DOCK2: variants seen among roughly 807,000 people sequenced by gnomAD.
DOCK2 encodes dedicator of cytokinesis 2.
In DOCK2, 87 loss-of-function variants were observed where a neutral mutation model predicts 248.9. That is an observed-to-expected ratio of 0.35 (90% confidence interval 0.29 to 0.42). The LOEUF (loss-of-function observed/expected upper bound fraction) is 0.42, where lower values mean the gene tolerates loss of function less well. DOCK2 is among the 10% of genes least tolerant of loss of function. The pLI is 1.00. For synonymous variants in DOCK2, 805 were observed against 821.6 expected, an observed-to-expected ratio of 0.98 and a Z score of 0.35; for missense variants, 1,747 against 2,300.2, an observed-to-expected ratio of 0.76 and a Z score of 4.92.
intron 27 of DOCK2, among the ~76,000 whole-genome samples, chr5:169,958,908 A>C (rs1425139566): frequency 6.6e-6 from 1 of 152,324 alleles, no homozygotes; most frequent in East Asian, 1.9e-4. Context: ...TCTCAAAGAC[A>C]ATGTGTTTTA....
intron 29 of DOCK2, among the ~76,000 whole-genome samples, chr5:169,994,713 G>A (rs1778292629): frequency 6.6e-6 from 1 of 152,174 alleles, no homozygotes; most frequent in South Asian, 2.1e-4. Context: ...AGAAACACAG[G>A]GTACTAGCAA....
In DOCK2 at chr5:169,953,098, C is replaced by T. The variant is rs769288883; in HGVS notation, c.2800-29970C>T. Among the ~76,000 whole-genome samples the T allele has an allele frequency of 5.1e-4, 78 of 151,922 alleles. 1 individual carries two copies. Among genetic ancestry groups the T allele is most frequent in the Non-Finnish European group, 9.0e-4 (61 of 67,960 alleles). The stretch of plus-strand genomic sequence containing the variant: ...CAGCACTTTGGGAGGCTGAGGTGGG[C>T]GGATCACAAGGTCAGGAGTTCAAGA... On this transcript the variant is annotated intron_variant, in intron 27 of 51. Coordinates refer to ENST00000520908, the MANE Select transcript of DOCK2 (RefSeq NM_004946.3).
intron 21 of DOCK2, among the ~76,000 whole-genome samples, 168 bp from the exon 22 acceptor site, chr5:169,718,489 T>G (rs1762020064): frequency 6.6e-6 from 1 of 152,110 alleles, no homozygotes; most frequent in Non-Finnish European, 1.5e-5. Flanking sequence ...ATTAATTCCC[T>G]GTAATAAATA....
intron 32 of DOCK2, among the ~76,000 whole-genome samples, chr5:170,010,541 C>T (rs1581524862): frequency 6.6e-6 from 1 of 152,208 alleles, no homozygotes; most frequent in African/African-American, 2.4e-5. Flanking sequence ...CTGTTCCTCT[C>T]CAGTTAATAG....
chr5:169,662,236 T>C (rs544091415), intron 2 of DOCK2, among the ~76,000 whole-genome samples: 82 of 152,356 alleles, frequency 5.4e-4, no homozygotes, highest in African/African-American at 1.8e-3. Flanking sequence ...TTTCCATGTA[T>C]CTGTTGGCCA....
At chr5:169,856,053 A>C (rs1400023634) in intron 27 of DOCK2, among the ~76,000 whole-genome samples, 2 of 152,004 alleles carry the variant, frequency 1.3e-5, no homozygotes, top group Admixed American at 6.6e-5. Flanking sequence ...ATCAGATCTC[A>C]TGAGATCTCA....
chr5:169,913,768 C>T (rs1199581027), intron 27 of DOCK2, among the ~76,000 whole-genome samples: 1 of 152,128 alleles, frequency 6.6e-6, no homozygotes, highest in African/African-American at 2.4e-5. Context: ...ATTGGTCTAA[C>T]CCTCTTATTT....
intron 40 of DOCK2, among the ~76,000 whole-genome samples, chr5:170,047,869 TGAGGTGTTCAAAGA>T (rs1756771307): frequency 6.6e-6 from 1 of 152,162 alleles, no homozygotes; most frequent in Non-Finnish European, 1.5e-5. Flanking sequence ...GTCACTGGAA[TGAGGTGTTCAAAGA>T]GAGGCTGGAG....
At chr5:169,994,445 G>T (rs1394734931) in intron 29 of DOCK2, among the ~76,000 whole-genome samples, 1 of 152,202 alleles carries the variant, frequency 6.6e-6, no homozygotes, top group Non-Finnish European at 1.5e-5. Flanking sequence ...GAAGCTCATA[G>T]TCTGAAATTA....
intron 27 of DOCK2, among the ~76,000 whole-genome samples, chr5:169,952,922 A>C (rs533240141): frequency 5.3e-5 from 8 of 152,322 alleles, no homozygotes; most frequent in Admixed American, 3.9e-4. Flanking sequence ...AGAGCCTCAG[A>C]TAGGGAGAAA....
chr5:169,728,234 T>C (rs535270998), intron 22 of DOCK2, among the ~76,000 whole-genome samples: 5 of 152,154 alleles, frequency 3.3e-5, no homozygotes, highest in African/African-American at 1.2e-4. Flanking sequence ...GGACATAAAA[T>C]GTTTGAGGTG....
At chr5:169,798,452 T>C (rs1400407429) in intron 25 of DOCK2, among the ~76,000 whole-genome samples, 1 of 152,252 alleles carries the variant, frequency 6.6e-6, no homozygotes, top group Non-Finnish European at 1.5e-5. Context: ...AGGAGATCTT[T>C]CATATCTAAA....
intron 26 of DOCK2, among the ~76,000 whole-genome samples, chr5:169,813,595 G>C (rs1470228795): frequency 6.6e-6 from 1 of 152,204 alleles, no homozygotes; most frequent in Admixed American, 6.5e-5. Flanking sequence ...TTCCCCTAGT[G>C]GACCCTAAAT....
chr5:169,667,429 G>A lies in DOCK2; in HGVS notation c.128-1859G>A, dbSNP rs375003178. 8.5e-5 allele frequency among the ~76,000 whole-genome samples: 13 copies of A among 152,258 alleles called. No individual in the cohort carries two copies. The East Asian group carries it at 1.5e-3, about 18-fold the overall frequency. On this transcript the variant is annotated intron_variant, in intron 2 of 51. Coordinates refer to ENST00000520908, the MANE Select transcript of DOCK2 (RefSeq NM_004946.3). ...ATGATAATACTTAGCTCACAGTGTCGCTCTGAGGATTAAATGAGAGAATGC... is the reference window on the plus strand; with the variant it reads ...ATGATAATACTTAGCTCACAGTGTCACTCTGAGGATTAAATGAGAGAATGC...
At chr5:169,656,494 A>T (rs1011822769) in intron 2 of DOCK2, among the ~76,000 whole-genome samples, 7 of 152,052 alleles carry the variant, frequency 4.6e-5, no homozygotes, top group Non-Finnish European at 1.0e-4. Context: ...TGTATTTTCA[A>T]TAGAGACGGG....
chr5:170,062,314 T>C (rs1757361804), intron 44 of DOCK2, among the ~76,000 whole-genome samples: 3 of 152,042 alleles, frequency 2.0e-5, no homozygotes, highest in African/African-American at 7.2e-5. Context: ...ACTAGGAAGC[T>C]CCTGGGTCTC....
At chr5:169,914,939 A>T (rs1168991348) in intron 27 of DOCK2, among the ~76,000 whole-genome samples, 1 of 152,234 alleles carries the variant, frequency 6.6e-6, no homozygotes, top group Non-Finnish European at 1.5e-5. Flanking sequence ...TCCCACAGGC[A>T]GCGCCTGCCC....
At chr5:169,800,649 A>G (rs575546878) in intron 25 of DOCK2, among the ~76,000 whole-genome samples, 36 of 152,352 alleles carry the variant, frequency 2.4e-4, no homozygotes, top group African/African-American at 8.2e-4. Context: ...GGGCTTCTGA[A>G]GCATTCAATT....
chr5:169,810,859 C>G (rs773153449), intron 26 of DOCK2, among the ~76,000 whole-genome samples: 2 of 152,026 alleles, frequency 1.3e-5, no homozygotes. Flanking sequence ...CCTTTATCCC[C>G]GTCTTCTACT....
Sources: gnomAD v4.1 joint callset for allele counts (sites outside exome capture counted in the v4.1 genomes callset) on GRCh38, gnomAD v4.1.1 for gene constraint, MANE v1.5 for transcripts, NCBI Gene and HGNC (gene_info 2026-07-23, HGNC 2026-07-21) for gene names.